TM4SF4: variants seen among roughly 807,000 people sequenced by gnomAD.
The protein encoded by TM4SF4 is transmembrane 4 L6 family member 4.
Under a neutral mutation model 24.1 loss-of-function variants are expected in TM4SF4, and 24 were observed. The ratio of observed to expected loss-of-function variants is 1.00; its 90% CI spans 0.72 to 1.40. The LOEUF (loss-of-function observed/expected upper bound fraction) is 1.40. Ranked by LOEUF, TM4SF4 falls within the 40% of genes most tolerant of loss-of-function variation. TM4SF4 has a pLI of 0.00. For synonymous variants in TM4SF4, 113 were observed against 97.0 expected (o/e 1.17, Z -0.97); for missense variants, 254 against 254.2 (o/e 1.00, Z 0.01).
At chr3:149,496,014 T>C in intron 3 of TM4SF4, 1 of 252,882 alleles carries the variant, frequency 4.0e-6, no homozygotes, top group Non-Finnish European at 7.9e-6. Flanking sequence ...AAGTGAATAT[T>C]GTTCCTAACA....
At chr3:149,492,244 T>C (rs1463961624) in intron 3 of TM4SF4, among the ~76,000 whole-genome samples, 2 of 152,158 alleles carry the variant, frequency 1.3e-5, no homozygotes. Context: ...AGGTGGACTC[T>C]GAGATTTCGA....
At chr3:149,483,652 C>T (rs1176572222) in intron 2 of TM4SF4, among the ~76,000 whole-genome samples, 1 of 151,936 alleles carries the variant, frequency 6.6e-6, no homozygotes, top group East Asian at 1.9e-4. Context: ...CATAAAGAAA[C>T]TTCAAAAAAG....
chr3:149,489,632 A>G lies in TM4SF4; in HGVS notation c.401+1877A>G, dbSNP rs796809700. On this transcript the variant is annotated intron_variant, in intron 3 of 4. Transcript: ENST00000305354. ...CTGTGGGTCACCACACGAAATGCCA[A>G]ACTGAGGGAAGGACAGGAAACGACT... Among the ~76,000 whole-genome samples the G allele has an allele frequency of 1.3e-4, 20 of 152,348 alleles. 1 individual carries two copies. The highest frequency in any genetic ancestry group is 4.8e-4 in the African/African-American group (20 of 41,588).
chr3:149,475,825 GA>G lies in TM4SF4; in HGVS notation c.178del (p.Ile60SerfsTer10), dbSNP rs766251892. On this transcript the variant is annotated frameshift_variant, in exon 2 of 5. Coordinates refer to ENST00000305354, the MANE Select transcript of TM4SF4 (RefSeq NM_004617.4). LOFTEE classifies it high-confidence loss of function. ...GGILGSGVLM[I>X]FPALVFLGLK... ...TGAGGTGCCTCTTCTCCTGGTAGAT[GA>G]TCTTCCCTGCGCTGGTGTTCTTGGG... 4 of 1,609,416 alleles carry G rather than the reference GA, an allele frequency of 2.5e-6. No homozygotes were observed. Among genetic ancestry groups the G allele is most frequent in the Non-Finnish European group, 3.4e-6 (4 of 1,177,956 alleles).
At position 149,498,787 on chromosome 3, in the gene TM4SF4, A is replaced by G. The variant is rs759060614; in HGVS notation, c.467A>G (p.Asn156Ser). 12 of 1,613,920 alleles carry G rather than the reference A, an allele frequency of 7.4e-6. No individual in the cohort carries two copies. In the East Asian group the frequency reaches 2.2e-4, roughly 30 times the overall value. The change falls in exon 4 of 5, where the codon AAT becomes AGT. Residue 156 changes from asparagine to serine, a missense_variant. Asn to Ser is a conservative substitution (Grantham distance 46). Coordinates refer to ENST00000305354, the MANE Select transcript of TM4SF4 (RefSeq NM_004617.4). ...GAGCCTCTCAATGTGGTTCCCTGGA[A>G]TCTGACCCTCTTCTCCATCCTGCTG... ...CREPLNVVPWNLTLFSILLVV... is the reference protein window; with the variant it reads ...CREPLNVVPWSLTLFSILLVV...
intron 2 of TM4SF4, among the ~76,000 whole-genome samples, chr3:149,480,144 C>A (rs1289648219): frequency 1.3e-5 from 2 of 152,032 alleles, no homozygotes; most frequent in African/African-American, 4.8e-5. Context: ...GTAAGAACCC[C>A]GGCCTGGGTT....
chr3:149,483,230 A>G (rs1734064986), intron 2 of TM4SF4, among the ~76,000 whole-genome samples: 1 of 152,202 alleles, frequency 6.6e-6, no homozygotes, highest in Non-Finnish European at 1.5e-5. Context: ...CTAGAGTTAT[A>G]CTAGCTGTAT....
intron 3 of TM4SF4, chr3:149,495,115 G>A: frequency 7.6e-6 from 2 of 264,554 alleles, no homozygotes; most frequent in South Asian, 1.1e-4. Flanking sequence ...GGATTCCACA[G>A]AGCCCCTCTA....
At chr3:149,476,814 G>GTTTTTTTTTTTTTT (rs67092416) in intron 2 of TM4SF4, among the ~76,000 whole-genome samples, 16 of 81,182 alleles carry the variant, frequency 2.0e-4, no homozygotes, top group South Asian at 7.4e-4. Flanking sequence ...TTTTGTTTTT[G>GTTTTTTTTTTTTTT]TTTTTTTTTT....
At chr3:149,481,213 G>A (rs540529728) in intron 2 of TM4SF4, among the ~76,000 whole-genome samples, 1 of 152,220 alleles carries the variant, frequency 6.6e-6, no homozygotes, top group Non-Finnish European at 1.5e-5. Flanking sequence ...ATGGATCCTG[G>A]CAGTTACTGT....
chr3:149,474,899 A>T lies in TM4SF4; in HGVS notation c.22A>T (p.Arg8Ter). Residue 8 changes from arginine (R) to a stop codon, truncating the protein, a stop_gained, in exon 1 of 5, where the codon AGA (arginine) becomes TGA (stop). Transcript: ENST00000305354. LOFTEE classifies it high-confidence loss of function. The stretch of plus-strand genomic sequence containing the variant: ...CAGAATGTGCACTGGGGGCTGTGCC[A>T]GATGCCTGGGGGGGACCCTCATTCC... MCTGGCA[R>*]CLGGTLIPLA... 1 of 1,613,802 alleles carries T rather than the reference A, an allele frequency of 6.2e-7. No individual in the cohort carries two copies.
At chr3:149,497,038 G>A (rs963020493) in intron 3 of TM4SF4, among the ~76,000 whole-genome samples, 17 of 152,182 alleles carry the variant, frequency 1.1e-4, no homozygotes, top group African/African-American at 4.1e-4. Flanking sequence ...AGAAACTGAT[G>A]TTAAAGGAAG....
chr3:149,481,345 G>A (rs561347026), intron 2 of TM4SF4, among the ~76,000 whole-genome samples: 2 of 152,184 alleles, frequency 1.3e-5, no homozygotes, highest in South Asian at 4.1e-4. Flanking sequence ...CTTGCTGGAT[G>A]GATGAAGTAA....
intron 2 of TM4SF4, among the ~76,000 whole-genome samples, chr3:149,476,665 G>A (rs146225370): frequency 6.6e-6 from 1 of 152,204 alleles, no homozygotes; most frequent in East Asian, 1.9e-4. Flanking sequence ...CTACACAGAT[G>A]TGCTATATCT....
rs202200014 is a variant in TM4SF4 at position 149,502,731 on chromosome 3, G to A, written c.*38G>A. 528 of 1,484,582 alleles carry A rather than the reference G, an allele frequency of 3.6e-4. 1 individual carries two copies. Among genetic ancestry groups the A allele is most frequent in the Non-Finnish European group, 4.6e-4 (495 of 1,071,574 alleles). The allele number at this position is 1,484,582 out of a possible 1,614,324, so 92.0% of individuals were successfully genotyped here. ...AGCTGCTCAGACTCTACAGCATGAC[G>A]ACTACAATTTCTTTTCATAAAACTT... On this transcript the variant is annotated 3_prime_UTR_variant, in exon 5 of 5. Coordinates refer to ENST00000305354, the MANE Select transcript of TM4SF4 (RefSeq NM_004617.4).
chr3:149,499,612 T>C (rs1734378834), intron 4 of TM4SF4, among the ~76,000 whole-genome samples: 2 of 152,148 alleles, frequency 1.3e-5, no homozygotes, highest in South Asian at 4.1e-4. Context: ...AAATAAAACT[T>C]GAGGGTTCCC....
intron 3 of TM4SF4, among the ~76,000 whole-genome samples, chr3:149,494,452 T>C (rs1734275590): frequency 6.6e-6 from 1 of 152,228 alleles, no homozygotes; most frequent in African/African-American, 2.4e-5. Flanking sequence ...TCAGGATCTT[T>C]TCTTCATAAA....
At chr3:149,484,538 C>G (rs1734085045) in intron 2 of TM4SF4, among the ~76,000 whole-genome samples, 1 of 151,298 alleles carries the variant, frequency 6.6e-6, no homozygotes, top group South Asian at 2.1e-4. Context: ...CATGGGCCAC[C>G]ACACCCCGCT....
chr3:149,486,323 C>T (rs1392227478), intron 2 of TM4SF4, among the ~76,000 whole-genome samples: 2 of 152,200 alleles, frequency 1.3e-5, no homozygotes, highest in African/African-American at 2.4e-5. Context: ...AGGACACATT[C>T]ATTATGCAAA....
Sources: allele counts gnomAD v4.1 joint callset (sites outside exome capture counted in the v4.1 genomes callset), GRCh38; gene constraint gnomAD v4.1.1; transcripts MANE v1.5; gene names NCBI Gene and HGNC (gene_info 2026-07-23, HGNC 2026-07-21).